PDE8A: variants seen among roughly 807,000 people sequenced by gnomAD.
The protein encoded by PDE8A is high affinity cAMP-specific and IBMX-insensitive 3',5'-cyclic phosphodiesterase 8A.
In PDE8A, 59 loss-of-function variants were observed where a neutral mutation model predicts 105.0. That is an observed-to-expected ratio of 0.56 (90% CI 0.46 to 0.70). PDE8A has a LOEUF of 0.70. Ranked by LOEUF, PDE8A falls within the 30% of genes least tolerant of loss-of-function variation. The pLI is 0.00. For missense variants in PDE8A, 1,014 were observed against 1,045.9 expected, an observed-to-expected ratio of 0.97 and a Z score of 0.42; for synonymous variants, 355 against 371.9, an observed-to-expected ratio of 0.95 and a Z score of 0.52.
At chr15:85,071,370 C>A (rs56110732) in intron 3 of PDE8A, among the ~76,000 whole-genome samples, 13,467 of 152,290 alleles carry the variant, frequency 0.088, 1,654 homozygotes, top group African/African-American at 0.28. Context: ...CCTGCCATCC[C>A]TGCTGCCCCT....
intron 1 of PDE8A, among the ~76,000 whole-genome samples, chr15:85,057,216 C>T (rs2081073964): frequency 6.6e-6 from 1 of 152,096 alleles, no homozygotes; most frequent in Non-Finnish European, 1.5e-5. Flanking sequence ...GTCAGTTGGC[C>T]CCTACTGGAA....
At chr15:85,047,934 C>T (rs567626632) in intron 1 of PDE8A, among the ~76,000 whole-genome samples, 14 of 152,038 alleles carry the variant, frequency 9.2e-5, no homozygotes, top group Non-Finnish European at 1.9e-4. Context: ...TTTTCCTTAC[C>T]GGTTTCCTTA....
chr15:85,130,870 C>T (rs1209391232), intron 20 of PDE8A, among the ~76,000 whole-genome samples: 1 of 152,154 alleles, frequency 6.6e-6, no homozygotes, highest in African/African-American at 2.4e-5. Flanking sequence ...AGCAATTCTC[C>T]TGCCTCAGCC....
At chr15:85,072,998 C>G (rs2081334171) in intron 3 of PDE8A, among the ~76,000 whole-genome samples, 1 of 152,154 alleles carries the variant, frequency 6.6e-6, no homozygotes, top group Admixed American at 6.5e-5. Flanking sequence ...CCTGTAGTCC[C>G]AGCTACTTGA....
intron 14 of PDE8A, 33 bp downstream of exon 14, chr15:85,114,070 C>T: frequency 6.3e-7 from 1 of 1,578,006 alleles, no homozygotes; most frequent in Non-Finnish European, 8.7e-7. Context: ...TTGGCTAGAG[C>T]CTGTCTGTTC....
chr15:85,109,130 G>A lies in PDE8A; in HGVS notation c.1114G>A (p.Val372Ile). Residue 372 changes from valine (V) to isoleucine (I), a missense_variant and splice_region_variant, in exon 12 of 22, where the codon GTT (valine) becomes ATT (isoleucine). Physicochemically the swap from Val to Ile is conservative, Grantham distance 29. Transcript: ENST00000394553. ...AGCTGTTGCCTCCCGTGCAACTGAA[G>A]GTGAGTGACAAAGACAAGAGAAAAA... ...VKAVASRATE[V>I]SSQRRHSSMA... 1 of 1,603,268 alleles carries A rather than the reference G, an allele frequency of 6.2e-7. No homozygotes were observed. Among genetic ancestry groups the A allele is most frequent in the East Asian group, 2.2e-5 (1 of 44,818 alleles).
intron 11 of PDE8A, among the ~76,000 whole-genome samples, chr15:85,107,251 TAAC>T (rs1461661303): frequency 1.3e-5 from 2 of 152,146 alleles, no homozygotes; most frequent in Non-Finnish European, 2.9e-5. Flanking sequence ...GGAGGCAAAT[TAAC>T]AAATCATAAA....
chr15:85,008,508 G>C (rs2080185614), intron 1 of PDE8A, among the ~76,000 whole-genome samples: 1 of 151,838 alleles, frequency 6.6e-6, no homozygotes, highest in African/African-American at 2.4e-5. Context: ...TCCACACTCT[G>C]GGCCCCATTT....
intron 12 of PDE8A, among the ~76,000 whole-genome samples, chr15:85,111,035 G>C (rs2082013529): frequency 6.6e-6 from 1 of 152,164 alleles, no homozygotes; most frequent in Non-Finnish European, 1.5e-5. Flanking sequence ...ATCCTCTTCT[G>C]AAGTGTCATT....
At chr15:85,016,366 A>G (rs2080324780) in intron 1 of PDE8A, among the ~76,000 whole-genome samples, 1 of 145,660 alleles carries the variant, frequency 6.9e-6, no homozygotes, top group Non-Finnish European at 1.5e-5. Context: ...GTATGATATG[A>G]GGAATAAATT....
intron 20 of PDE8A, among the ~76,000 whole-genome samples, chr15:85,136,231 G>A (rs575571011): frequency 3.9e-5 from 6 of 152,326 alleles, no homozygotes; most frequent in African/African-American, 1.2e-4. Flanking sequence ...ACAACAGAGC[G>A]GTGGCTGACT....
intron 1 of PDE8A, among the ~76,000 whole-genome samples, chr15:85,004,011 G>A (rs2080106428): frequency 6.6e-6 from 1 of 152,208 alleles, no homozygotes; most frequent in Non-Finnish European, 1.5e-5. Context: ...GCCAGGTCTA[G>A]AAGTGGTCCA....
intron 1 of PDE8A, among the ~76,000 whole-genome samples, chr15:84,996,040 C>T (rs764383463): frequency 6.6e-6 from 1 of 152,058 alleles, no homozygotes; most frequent in Non-Finnish European, 1.5e-5. Flanking sequence ...GCCTATATCT[C>T]TATTTTGGTT....
intron 1 of PDE8A, among the ~76,000 whole-genome samples, chr15:85,052,896 C>T (rs2080999337): frequency 6.6e-6 from 1 of 152,188 alleles, no homozygotes. Flanking sequence ...GAAGTCCTTG[C>T]CCATGCCTAT....
In PDE8A at chr15:85,061,676, T is replaced by A. The variant is rs377391886; in HGVS notation, c.187-2694T>A. Among the ~76,000 whole-genome samples, 7 of 152,206 alleles carry A rather than the reference T, an allele frequency of 4.6e-5. No homozygotes were observed. In the East Asian group the frequency reaches 9.6e-4, roughly 21 times the overall value. On this transcript the variant is annotated intron_variant, in intron 1 of 21. Coordinates refer to ENST00000394553, the MANE Select transcript of PDE8A (RefSeq NM_002605.3). Reference sequence around the variant, plus strand: ...CCTACATCAAGTTTGGGATATTTTCTTCATACATTTTTTCTTTCCCTTTCT... The same window carrying A: ...CCTACATCAAGTTTGGGATATTTTCATCATACATTTTTTCTTTCCCTTTCT...
chr15:85,065,343 GA>G (rs901733549), intron 2 of PDE8A, among the ~76,000 whole-genome samples: 1 of 100,354 alleles, frequency 1.0e-5, no homozygotes, highest in African/African-American at 3.9e-5. Context: ...GGGGAGGGGG[GA>G]GGGGGGAGGG....
chr15:85,135,298 C>G (rs1461139478), intron 20 of PDE8A, among the ~76,000 whole-genome samples: 1 of 152,076 alleles, frequency 6.6e-6, no homozygotes, highest in Non-Finnish European at 1.5e-5. Flanking sequence ...GTTAGCCTTT[C>G]TTCTGTGCAC....
chr15:85,076,846 C>A, intron 5 of PDE8A, 59 bp downstream of exon 5: 1 of 1,061,880 alleles, frequency 9.4e-7, no homozygotes, highest in Non-Finnish European at 1.5e-6. Context: ...TATTTTATCT[C>A]AGTTCAGTAC....
At chr15:85,073,591 A>G (rs1197310804) in intron 3 of PDE8A, among the ~76,000 whole-genome samples, 1 of 152,202 alleles carries the variant, frequency 6.6e-6, no homozygotes, top group East Asian at 1.9e-4. Flanking sequence ...TTCTTCTAAA[A>G]AGCTGAAAGC....
Sources: allele counts gnomAD v4.1 joint callset (sites outside exome capture counted in the v4.1 genomes callset), GRCh38; gene constraint gnomAD v4.1.1; transcripts MANE v1.5; gene names NCBI Gene and HGNC (gene_info 2026-07-23, HGNC 2026-07-21).